Variants in RB1 observed in about 807,000 individuals in gnomAD.
RB1 encodes the protein RB transcriptional corepressor 1.
RB1 carries 18 observed loss-of-function variants against 135.4 expected under a neutral mutation model. The ratio of observed to expected loss-of-function variants is 0.13; its 90% CI spans 0.09 to 0.20. RB1 has a LOEUF of 0.20. RB1 is among the 10% of genes least tolerant of loss of function. RB1 has a pLI of 1.00. For missense variants in RB1, 868 were observed against 1,110.0 expected (o/e 0.78, Z 3.10); for synonymous variants, 365 against 373.2 (o/e 0.98, Z 0.25).
intron 17 of RB1, among the ~76,000 whole-genome samples, chr13:48,409,671 C>T (rs1309826730): frequency 2.1e-5 from 3 of 140,026 alleles, no homozygotes; most frequent in Non-Finnish European, 4.5e-5. Context: ...ACCTCTGACT[C>T]CTGGGTTCAA....
chr13:48,359,873 T>A (rs74541954), intron 6 of RB1, 144 bp from the exon 7 acceptor site: 4 of 1,247,592 alleles, frequency 3.2e-6, no homozygotes, highest in Admixed American at 6.2e-5. Flanking sequence ...TTTTTTTTTT[T>A]ACAAAAAAAA....
chr13:48,476,909 C>T (rs1949507963), intron 25 of RB1, 66 bp downstream of exon 25: 1 of 1,577,246 alleles, frequency 6.3e-7, no homozygotes, highest in East Asian at 2.2e-5. Flanking sequence ...AGAGTCTCAG[C>T]ACTGCTCCTG....
At chr13:48,479,299 G>A (rs183017453) in intron 26 of RB1, among the ~76,000 whole-genome samples, 8 of 152,290 alleles carry the variant, frequency 5.3e-5, no homozygotes, top group African/African-American at 1.9e-4. Context: ...CAAGGCATCT[G>A]CAAACATAAG....
At position 48,456,506 on chromosome 13, in the gene RB1, C is replaced by T. The variant is rs149956613; in HGVS notation, c.1960+157C>T. On this transcript the variant is annotated intron_variant, in intron 19 of 26. Transcript: ENST00000267163. ...CTATAAAATGGAAATGATAATGTTG[C>T]GAGATCTTTCTTGACTATTCAGAGT... is the stretch of plus-strand genomic sequence containing the variant. Among the ~76,000 whole-genome samples the T allele has an allele frequency of 5.2e-3, 786 of 152,274 alleles. 4 individuals are homozygous for T. Among genetic ancestry groups the T allele is most frequent in the Non-Finnish European group, 8.2e-3 (557 of 68,004 alleles).
At chr13:48,307,472 A>G (rs1384852865) in intron 2 of RB1, 66 bp downstream of exon 2, 6 of 1,462,178 alleles carry the variant, frequency 4.1e-6, no homozygotes, top group Non-Finnish European at 4.8e-6. Flanking sequence ...TCAAATCACT[A>G]TACAAAAATT....
intron 2 of RB1, among the ~76,000 whole-genome samples, chr13:48,331,423 T>A (rs962960795): frequency 1.3e-5 from 2 of 152,240 alleles, no homozygotes; most frequent in African/African-American, 4.8e-5. Flanking sequence ...GGCCTCTGCC[T>A]TTATGAATGG....
chr13:48,373,414 G>T lies in RB1; in HGVS notation c.1137G>T (p.Met379Ile), dbSNP rs2138130918. The T allele has an allele frequency of 6.3e-7, 1 of 1,586,378 alleles. No individual in the cohort carries two copies. Among genetic ancestry groups the T allele is most frequent in the South Asian group, 1.1e-5 (1 of 90,340 alleles). Residue 379 changes from methionine to isoleucine, a missense_variant, in exon 12 of 27, where the codon ATG (methionine) becomes ATT (isoleucine). Met to Ile is a conservative substitution (Grantham distance 10, BLOSUM62 1). Coordinates refer to ENST00000267163, the MANE Select transcript of RB1 (RefSeq NM_000321.3). ...IPPHTPVRTV[M>I]NTIQQLMMIL... ...TTTTTATCCCCTCTAGGACTGTTATGAACACTATCCAACAATTAATGATGA... is the reference window on the plus strand; with the variant it reads ...TTTTTATCCCCTCTAGGACTGTTATTAACACTATCCAACAATTAATGATGA...
intron 17 of RB1, among the ~76,000 whole-genome samples, chr13:48,391,702 T>TCCACCTCC (rs1306310376): frequency 9.9e-5 from 15 of 152,094 alleles, no homozygotes; most frequent in African/African-American, 3.1e-4. Flanking sequence ...CACTGCAACC[T>TCCACCTCC]CCACCTCCTG....
chr13:48,410,242 A>C (rs4151546), intron 17 of RB1, among the ~76,000 whole-genome samples: 13 of 152,232 alleles, frequency 8.5e-5, no homozygotes, highest in African/African-American at 3.1e-4. Flanking sequence ...AGATTATCAT[A>C]CTATATTTTT....
At chr13:48,390,841 G>A (rs915247744) in intron 17 of RB1, among the ~76,000 whole-genome samples, 19 of 151,994 alleles carry the variant, frequency 1.3e-4, no homozygotes, top group African/African-American at 4.1e-4. Context: ...TAACTTATAC[G>A]TGTCTTTATT....
intron 17 of RB1, among the ~76,000 whole-genome samples, chr13:48,430,896 CTGGG>C (rs1421811504): frequency 1.3e-5 from 2 of 152,108 alleles, no homozygotes; most frequent in Non-Finnish European, 2.9e-5. Context: ...GTACTTCAGC[CTGGG>C]TGACAGCCCA....
At chr13:48,429,148 G>A (rs949611693) in intron 17 of RB1, 1 of 152,140 alleles carries the variant, frequency 6.6e-6, no homozygotes, top group South Asian at 2.1e-4. Flanking sequence ...TGCAAAAAAG[G>A]GTTGTTTTAG....
At chr13:48,459,921 CTT>C in intron 20 of RB1, 88 bp downstream of exon 20, 1 of 487,096 alleles carries the variant, frequency 2.1e-6, no homozygotes, top group Non-Finnish European at 3.4e-6. Flanking sequence ...TTCTTTCTTT[CTT>C]TCTTTCTTTC....
intron 4 of RB1, among the ~76,000 whole-genome samples, chr13:48,346,099 C>CTTTTT (rs35882805): frequency 3.4e-5 from 4 of 117,124 alleles, no homozygotes; most frequent in African/African-American, 1.3e-4. Flanking sequence ...CATTGGCCAT[C>CTTTTT]TTTTTTTTTT....
At chr13:48,465,829 C>A (rs1019511506) in intron 23 of RB1, among the ~76,000 whole-genome samples, 2 of 151,288 alleles carry the variant, frequency 1.3e-5, no homozygotes, top group African/African-American at 2.4e-5. Context: ...CACTCCCACC[C>A]GAATATTGCA....
At chr13:48,338,711 G>T (rs1016579532) in intron 2 of RB1, among the ~76,000 whole-genome samples, 5 of 152,160 alleles carry the variant, frequency 3.3e-5, no homozygotes, top group Non-Finnish European at 5.9e-5. Flanking sequence ...GCTTTGTTCC[G>T]TTGCTAGCGA....
intron 2 of RB1, among the ~76,000 whole-genome samples, chr13:48,322,085 T>C (rs577325777): frequency 2.0e-5 from 3 of 152,338 alleles, no homozygotes; most frequent in African/African-American, 7.2e-5. Context: ...CTTAGTTTTG[T>C]TTTTGTTGCA....
chr13:48,456,132 C>A (rs2138330692), intron 18 of RB1, 72 bp from the exon 19 acceptor site: 1 of 1,598,934 alleles, frequency 6.3e-7, no homozygotes, highest in Non-Finnish European at 8.5e-7. Flanking sequence ...GGGTGTACAA[C>A]CTTGAAGTGT....
chr13:48,462,667 C>T (rs1949413615), intron 20 of RB1, among the ~76,000 whole-genome samples: 2 of 152,120 alleles, frequency 1.3e-5, no homozygotes, highest in Non-Finnish European at 2.9e-5. Context: ...AAACCAGTGC[C>T]AAATCTGAAG....
Sources: gnomAD v4.1 joint callset for allele counts (sites outside exome capture counted in the v4.1 genomes callset) on GRCh38, gnomAD v4.1.1 for gene constraint, MANE v1.5 for transcripts, NCBI Gene and HGNC (gene_info 2026-07-23, HGNC 2026-07-21) for gene names.